Variants in PHF12 observed in about 807,000 individuals in gnomAD.
The protein encoded by PHF12 is PHD finger protein 12.
Under a neutral mutation model 99.8 loss-of-function variants are expected in PHF12, and 6 were observed. The ratio of observed to expected loss-of-function variants is 0.06; its 90% CI spans 0.03 to 0.12. The LOEUF (loss-of-function observed/expected upper bound fraction) is 0.12, where lower values mean the gene tolerates loss of function less well. Ranked by LOEUF, PHF12 falls within the 10% of genes least tolerant of loss-of-function variation. PHF12 has a pLI of 1.00. For synonymous variants in PHF12, 480 were observed against 514.9 expected (o/e 0.93, Z 0.92); for missense variants, 954 against 1,300.1 (o/e 0.73, Z 4.09).
chr17:28,936,932 T>A (rs1477497530), intron 2 of PHF12, among the ~76,000 whole-genome samples: 1 of 150,164 alleles, frequency 6.7e-6, no homozygotes, highest in Non-Finnish European at 1.5e-5. Flanking sequence ...GCGGCCCTCA[T>A]CCAGCTCAGA....
At chr17:28,935,365 G>A (rs117911782) in intron 2 of PHF12, among the ~76,000 whole-genome samples, 3,120 of 152,168 alleles carry the variant, frequency 0.021, 52 homozygotes, top group South Asian at 0.041. Flanking sequence ...TCTGTCTCCC[G>A]GGTTCAAGAG....
At chr17:28,914,668 T>A (rs1466273900) in intron 7 of PHF12, among the ~76,000 whole-genome samples, 2 of 55,606 alleles carry the variant, frequency 3.6e-5, no homozygotes, top group Admixed American at 2.9e-4. Context: ...CGAGACTCCG[T>A]CTCAAAAAAA....
intron 13 of PHF12, 94 bp from the exon 14 acceptor site, chr17:28,907,088 T>C: frequency 7.1e-7 from 1 of 1,399,766 alleles, no homozygotes; most frequent in South Asian, 1.4e-5. Context: ...CGTGCTACTC[T>C]ACCTAGAGAG....
chr17:28,912,084 C>T (rs904889634), intron 9 of PHF12: 3 of 1,018,388 alleles, frequency 2.9e-6, no homozygotes, highest in Non-Finnish European at 3.5e-6. Context: ...GTGGATCTGA[C>T]AATACTGAGG....
Position 28,906,406 on chromosome 17 carries a change from G to A in PHF12, c.2792C>T (p.Ser931Leu), listed in dbSNP as rs769477357. ...RRPCNCKASS[S>L]SLIGGSGAGW... ...GGCCCCACTGCCCCCAATCAAGCTC[G>A]AGCTGCTGGCTTTGCAATTGCAGGG... Residue 931 changes from serine (S) to leucine (L), a missense_variant, in exon 15 of 15, where the codon TCG (serine) becomes TTG (leucine). Physicochemically the swap from Ser to Leu is moderately radical, Grantham distance 145. This residue lies in a region of PHF12 where 136 missense variants were observed against 172.3 expected (regional missense o/e 0.79). Transcript: ENST00000332830. This position sits in a 1 kb window ranked among gnomAD's most constrained non-coding sequence, Gnocchi z 4.2. 6 of 1,614,216 alleles carry A rather than the reference G, an allele frequency of 3.7e-6. No individual in the cohort carries two copies. The highest frequency in any genetic ancestry group is 1.3e-5 in the African/African-American group (1 of 75,074).
At position 28,951,005 on chromosome 17, in the gene PHF12, A is replaced by G. The variant is rs1304624331; in HGVS notation, c.-45T>C. The G allele has an allele frequency of 6.2e-7, 1 of 1,606,688 alleles. No homozygotes were observed. The highest frequency in any genetic ancestry group is 1.1e-5 in the South Asian group (1 of 90,502). On this transcript the variant is annotated 5_prime_UTR_variant, in exon 1 of 15. Transcript: ENST00000332830. Reference sequence around the variant, plus strand: ...GGTGCTCTCTGCTCCGGCCCCCCCAACCCCGGGGGGAGGGGGGAGGTGAGG... The same window carrying G: ...GGTGCTCTCTGCTCCGGCCCCCCCAGCCCCGGGGGGAGGGGGGAGGTGAGG...
rs1282879035 is a variant in PHF12 at position 28,905,302 on chromosome 17, T to C, written c.*881A>G. ...AGAATACAGGAAAGTTTCTGTAAAG[T>C]CTAAAACATTACAATTACTATGTAC... is the stretch of plus-strand genomic sequence containing the variant. On this transcript the variant is annotated 3_prime_UTR_variant, in exon 15 of 15. Coordinates refer to ENST00000332830, the MANE Select transcript of PHF12 (RefSeq NM_001033561.2). The C allele has an allele frequency of 6.6e-6, 1 of 152,608 alleles. No homozygotes were observed. The highest frequency in any genetic ancestry group is 1.5e-5 in the Non-Finnish European group (1 of 68,054). The allele number at this position is 152,608 out of a possible 1,614,324, so 9.5% of individuals were successfully genotyped here. A position where few individuals can be genotyped will look rare whatever the true frequency, so the allele number is the denominator to read the frequency against.
chr17:28,923,669 A>AAAAAAAAAAAAAAAAGG (rs2040210444), intron 4 of PHF12, among the ~76,000 whole-genome samples: 1 of 146,208 alleles, frequency 6.8e-6, no homozygotes, highest in Non-Finnish European at 1.5e-5. Flanking sequence ...AAAAAAAAAA[A>AAAAAAAAAAAAAAAAGG]AAAAAAGGAA....
rs181118466 is a variant in PHF12 at position 28,941,492 on chromosome 17, A to G, written c.248+8573T>C. ...TGGGCTTATATAAAGATACAAATACACAGGTGAGTTTGCTGTAATATACAA... is the reference window on the plus strand; with the variant it reads ...TGGGCTTATATAAAGATACAAATACGCAGGTGAGTTTGCTGTAATATACAA... On this transcript the variant is annotated intron_variant, in intron 2 of 14. Coordinates refer to ENST00000332830, the MANE Select transcript of PHF12 (RefSeq NM_001033561.2). Among the ~76,000 whole-genome samples, 15 of 152,342 alleles carry G rather than the reference A, an allele frequency of 9.8e-5. No individual in the cohort carries two copies. The East Asian group carries it at 2.9e-3, about 29-fold the overall frequency.
intron 2 of PHF12, among the ~76,000 whole-genome samples, chr17:28,938,949 A>G (rs1243663986): frequency 6.6e-6 from 1 of 152,176 alleles, no homozygotes. Context: ...TGATCACCCT[A>G]AAGGTCTGCA....
chr17:28,950,252 C>T lies in PHF12; in HGVS notation c.67-6G>A. 1.9e-6 allele frequency: 3 copies of T among 1,606,170 alleles called. No homozygotes were observed. The highest frequency in any genetic ancestry group is 2.5e-6 in the Non-Finnish European group (3 of 1,179,284). ...GCCAGCAGAGCTTGGATTTGCTGCACACACATACAAACGGCGTGTGTGCAC... is the reference window on the plus strand; with the variant it reads ...GCCAGCAGAGCTTGGATTTGCTGCATACACATACAAACGGCGTGTGTGCAC... On this transcript the variant is annotated splice_polypyrimidine_tract_variant and splice_region_variant and intron_variant, in intron 1 of 14. Transcript: ENST00000332830. The surrounding 1 kb of genome is among the most constrained non-coding windows in gnomAD (Gnocchi z 5.7).
Position 28,951,124 on chromosome 17 carries a change from C to T in PHF12, c.-164G>A. 1 of 1,444,910 alleles carries T rather than the reference C, an allele frequency of 6.9e-7. No homozygotes were observed. The highest frequency in any genetic ancestry group is 9.1e-7 in the Non-Finnish European group (1 of 1,101,776). 89.5% of individuals were successfully genotyped at this position (1,444,910 alleles called of 1,614,324 possible). A position where few individuals can be genotyped will look rare whatever the true frequency, so the allele number is the denominator to read the frequency against. On this transcript the variant is annotated 5_prime_UTR_variant, in exon 1 of 15. Transcript: ENST00000332830. ...CCCCCCCACCCCCCGGCCCCCAGTC[C>T]CCGGGACGACAGCGTCCTCCCGACG...
chr17:28,917,335 G>C lies in PHF12; in HGVS notation c.1084C>G (p.His362Asp). 6.2e-7 allele frequency: 1 copy of C among 1,614,116 alleles called. No homozygotes were observed. The highest frequency in any genetic ancestry group is 2.2e-5 in the East Asian group (1 of 44,888). Residue 362 changes from histidine to aspartate, a missense_variant, in exon 7 of 15, where the codon CAC (histidine) becomes GAC (aspartate). His to Asp is a moderately conservative substitution (Grantham distance 81). Transcript: ENST00000332830. ...TGGAGCACACGCCGGTTAGGGGGGT[G>C]CTTCTTGTGGATTCGGTTCAGGAAG... is the stretch of plus-strand genomic sequence containing the variant. ...VDFLNRIHKK[H>D]PPNRRVLQSV...
At position 28,906,330 on chromosome 17, in the gene PHF12, G is replaced by A; in HGVS notation, c.2868C>T (p.Gly956=). 1 of 1,614,208 alleles carries A rather than the reference G, an allele frequency of 6.2e-7. No homozygotes were observed. The highest frequency in any genetic ancestry group is 1.1e-5 in the South Asian group (1 of 91,090). ...TGATGCTGAAGACAAACTGCAGGCA[G>A]CCCAGCTTGATGTAGCTGCCATGGT... ...LLHHGSYIKL[G]CLQFVFSITE... Residue 956 remains glycine, a synonymous_variant, in exon 15 of 15, where the codon GGC becomes GGT. Transcript: ENST00000332830. This position sits in a 1 kb window ranked among gnomAD's most constrained non-coding sequence, Gnocchi z 4.2.
rs1195071915 is a variant in PHF12, at chr17:28,906,484, G to A, written c.2714C>T (p.Pro905Leu). The A allele has an allele frequency of 1.4e-5, 23 of 1,610,910 alleles. No homozygotes were observed. Among genetic ancestry groups the A allele is most frequent in the Non-Finnish European group, 1.6e-5 (19 of 1,177,700 alleles). The change falls in exon 15 of 15, where the codon CCA (proline) becomes CTA (leucine). Residue 905 changes from proline (P) to leucine (L), a missense_variant. By Grantham distance (98) the Pro-to-Leu change is moderately conservative. Transcript: ENST00000332830. The surrounding 1 kb of genome is among the most constrained non-coding windows in gnomAD (Gnocchi z 4.2). ...RRRHQKQDEE[P>L]SEEAAMMSSQ... ...ACTCATCATGGCTGCCTCCTCACTT[G>A]GCTCTTCGTCCTGTTTCTGGTGCCG... is the stretch of plus-strand genomic sequence containing the variant.
intron 2 of PHF12, among the ~76,000 whole-genome samples, chr17:28,934,754 C>A (rs2040477405): frequency 6.6e-6 from 1 of 152,100 alleles, no homozygotes; most frequent in Non-Finnish European, 1.5e-5. Context: ...GCACCCGCCA[C>A]CACGCCCAGC....
chr17:28,937,869 A>G (rs754289687), intron 2 of PHF12, among the ~76,000 whole-genome samples: 20 of 152,324 alleles, frequency 1.3e-4, no homozygotes, highest in Non-Finnish European at 2.5e-4. Flanking sequence ...AAGGGCCTTC[A>G]TTAATTCACC....
At chr17:28,913,781 G>T in intron 8 of PHF12, 98 bp downstream of exon 8, 1 of 1,484,444 alleles carries the variant, frequency 6.7e-7, no homozygotes, top group South Asian at 1.3e-5. Flanking sequence ...GGGTGGGTGG[G>T]GACTGGAATG....
intron 3 of PHF12, 28 bp from the exon 4 acceptor site, chr17:28,924,330 A>G (rs1299534260): frequency 9.9e-6 from 16 of 1,613,862 alleles, no homozygotes; most frequent in African/African-American, 1.3e-5. Flanking sequence ...TGGGCCCATC[A>G]TGAAAAGTAC....
Sources: allele counts gnomAD v4.1 joint callset (sites outside exome capture counted in the v4.1 genomes callset), GRCh38; gene constraint gnomAD v4.1.1; regional missense constraint gnomAD v4.1.1; non-coding constraint Gnocchi (gnomAD v3.1); transcripts MANE v1.5; gene names NCBI Gene and HGNC (gene_info 2026-07-23, HGNC 2026-07-21).